UBE2H: variants seen among roughly 807,000 people sequenced by gnomAD.
UBE2H encodes ubiquitin-conjugating enzyme E2 H.
A neutral mutation model predicts 29.0 loss-of-function variants in UBE2H; 3 were observed. The ratio of observed to expected loss-of-function variants is 0.10; its 90% confidence interval spans 0.05 to 0.27. The LOEUF (loss-of-function observed/expected upper bound fraction) is 0.27, where lower values mean the gene tolerates loss of function less well. UBE2H is among the 10% of genes least tolerant of loss of function. The probability of loss-of-function intolerance (pLI) is 1.00; values close to 1 mark genes in which losing one functional copy is unlikely to be tolerated. For missense variants in UBE2H, 68 were observed against 228.2 expected, an observed-to-expected ratio of 0.30 and a Z score of 4.52; for synonymous variants, 69 against 82.9, an observed-to-expected ratio of 0.83 and a Z score of 0.91.
chr7:129,830,835 C>T lies in UBE2H; in HGVS notation c.*4102G>A, dbSNP rs1204834495. 3 of 146,274 alleles carry T rather than the reference C, an allele frequency of 2.1e-5. No individual in the cohort carries two copies. In the East Asian group the frequency reaches 6.0e-4, roughly 29 times the overall value. 9.1% of individuals were successfully genotyped at this position (146,274 alleles called of 1,614,324 possible). A position where few individuals can be genotyped will look rare whatever the true frequency, so the allele number is the denominator to read the frequency against. On this transcript the variant is annotated 3_prime_UTR_variant, in exon 7 of 7. Transcript: ENST00000355621. Reference sequence around the variant, plus strand: ...AGGAGGCATGTGTCCTGTTGACAGACGTGCCTACTAGATCATCACAATGCA... The same window carrying T: ...AGGAGGCATGTGTCCTGTTGACAGATGTGCCTACTAGATCATCACAATGCA...
At chr7:129,844,796 A>G (rs966812022) in intron 5 of UBE2H, among the ~76,000 whole-genome samples, 2 of 152,206 alleles carry the variant, frequency 1.3e-5, no homozygotes, top group South Asian at 4.1e-4. Flanking sequence ...TATAACACTC[A>G]TATCTCAGTT....
At chr7:129,895,910 T>C (rs1443338914) in intron 1 of UBE2H, among the ~76,000 whole-genome samples, 1 of 151,932 alleles carries the variant, frequency 6.6e-6, no homozygotes, top group African/African-American at 2.4e-5. Context: ...TACTTCCCCT[T>C]TTGGGCGGTA....
At chr7:129,880,497 C>T (rs1806232096) in intron 2 of UBE2H, among the ~76,000 whole-genome samples, 1 of 152,142 alleles carries the variant, frequency 6.6e-6, no homozygotes, top group African/African-American at 2.4e-5. Flanking sequence ...CAGAGTGAGA[C>T]TCCATCACTT....
intron 3 of UBE2H, among the ~76,000 whole-genome samples, chr7:129,870,482 T>G (rs1363749581): frequency 6.6e-6 from 1 of 152,048 alleles, no homozygotes; most frequent in African/African-American, 2.4e-5. Flanking sequence ...CCAAGCGTGG[T>G]GGCCCATGCC....
At chr7:129,859,532 G>A (rs941328745) in intron 3 of UBE2H, among the ~76,000 whole-genome samples, 2 of 152,070 alleles carry the variant, frequency 1.3e-5, no homozygotes, top group African/African-American at 4.8e-5. Context: ...TAAAATTGGG[G>A]CAACCAAGCA....
chr7:129,857,750 G>A (rs1337928977), intron 4 of UBE2H, among the ~76,000 whole-genome samples, 187 bp from the exon 5 acceptor site: 1 of 152,212 alleles, frequency 6.6e-6, no homozygotes, highest in Non-Finnish European at 1.5e-5. Context: ...CTTACAGACT[G>A]AAAGGGGAAA....
At chr7:129,937,419 A>C (rs1807553936) in intron 1 of UBE2H, among the ~76,000 whole-genome samples, 1 of 152,232 alleles carries the variant, frequency 6.6e-6, no homozygotes, top group African/African-American at 2.4e-5. Flanking sequence ...AGTTTTTCAG[A>C]TATATCATGG....
At chr7:129,883,789 C>T (rs1387514350) in intron 1 of UBE2H, among the ~76,000 whole-genome samples, 1 of 152,196 alleles carries the variant, frequency 6.6e-6, no homozygotes, top group Admixed American at 6.5e-5. Flanking sequence ...TTGCAGTGAG[C>T]TGAGATTGCA....
At chr7:129,920,019 G>A (rs1440630069) in intron 1 of UBE2H, among the ~76,000 whole-genome samples, 1 of 151,212 alleles carries the variant, frequency 6.6e-6, no homozygotes, top group Non-Finnish European at 1.5e-5. Context: ...AGCTGAAAAT[G>A]AGCACTGTCA....
chr7:129,949,190 C>A, intron 1 of UBE2H: 1 of 331,204 alleles, frequency 3.0e-6, no homozygotes, highest in Admixed American at 3.8e-5. Flanking sequence ...GTAATCTGAG[C>A]TGTTTGTTCC....
At chr7:129,851,632 AC>A (rs965575647) in intron 5 of UBE2H, among the ~76,000 whole-genome samples, 2 of 152,206 alleles carry the variant, frequency 1.3e-5, no homozygotes, top group African/African-American at 4.8e-5. Flanking sequence ...CAGAGCCCCT[AC>A]GAAAGTAGAG....
At chr7:129,867,699 T>TAAAAAAAAAAAAAAAAAAAAAAAAA (rs59742626) in intron 3 of UBE2H, among the ~76,000 whole-genome samples, 5 of 29,640 alleles carry the variant, frequency 1.7e-4, no homozygotes, top group Non-Finnish European at 1.7e-4. Context: ...TAGAGTATAA[T>TAAAAAAAAAAAAAAAAAAAAAAAAA]AAAAAAAAAA....
At chr7:129,925,565 T>C (rs1210831120) in intron 1 of UBE2H, among the ~76,000 whole-genome samples, 2 of 152,178 alleles carry the variant, frequency 1.3e-5, no homozygotes, top group African/African-American at 2.4e-5. Flanking sequence ...CTTCTTACTA[T>C]CAAAACCCCG....
At chr7:129,889,894 A>G (rs1408466719) in intron 1 of UBE2H, among the ~76,000 whole-genome samples, 1 of 152,114 alleles carries the variant, frequency 6.6e-6, no homozygotes, top group Non-Finnish European at 1.5e-5. Flanking sequence ...GAAGGCTGAC[A>G]GGGGAGGATC....
chr7:129,903,352 T>C (rs887628867), intron 1 of UBE2H, among the ~76,000 whole-genome samples: 1 of 152,172 alleles, frequency 6.6e-6, no homozygotes, highest in Admixed American at 6.5e-5. Flanking sequence ...AAATTCTCAA[T>C]AAGACACAGA....
intron 1 of UBE2H, among the ~76,000 whole-genome samples, chr7:129,887,899 ACAAAAG>A (rs1206142580): frequency 4.6e-5 from 7 of 152,124 alleles, no homozygotes; most frequent in East Asian, 1.9e-4. Flanking sequence ...ACAAAACAAA[ACAAAAG>A]CAAAAACAAA....
Position 129,839,236 on chromosome 7 carries a change from C to T in UBE2H, c.398G>A (p.Arg133Gln), listed in dbSNP as rs1805382866. The T allele has an allele frequency of 6.2e-7, 1 of 1,613,694 alleles. No homozygotes were observed. The highest frequency in any genetic ancestry group is 8.5e-7 in the Non-Finnish European group (1 of 1,179,860). Residue 133 changes from arginine to glutamine, a missense_variant, in exon 6 of 7, where the codon CGA becomes CAA. Transcript: ENST00000355621. ...NGDAAAMYLH[R>Q]PEEYKQKIKE... ...AATTTTCTGCTTGTATTCTTCTGGT[C>T]GGTGGAGGTACATGGCTGCAGCGTC...
chr7:129,952,662 A>C lies in UBE2H; in HGVS notation c.-107T>G, dbSNP rs539303082. 4.4e-6 allele frequency: 6 copies of C among 1,350,034 alleles called. No homozygotes were observed. Among genetic ancestry groups the C allele is most frequent in the South Asian group, 2.9e-5 (2 of 69,444 alleles). The allele number at this position is 1,350,034 out of a possible 1,614,324, so 83.6% of individuals were successfully genotyped here. A position where few individuals can be genotyped will look rare whatever the true frequency, so the allele number is the denominator to read the frequency against. On this transcript the variant is annotated 5_prime_UTR_variant, in exon 1 of 7. Coordinates refer to ENST00000355621, the MANE Select transcript of UBE2H (RefSeq NM_003344.4). ...CCGGCTCCTCGGTGGAGGTGGCAAC[A>C]CCCCCGCGGTCCCGGCGGTCCCGTC...
chr7:129,924,769 G>A (rs942886409), intron 1 of UBE2H, among the ~76,000 whole-genome samples: 30 of 151,914 alleles, frequency 2.0e-4, no homozygotes, highest in African/African-American at 6.3e-4. Context: ...AACCCAAGAA[G>A]GAAGTGAAAG....
Sources: allele counts gnomAD v4.1 joint callset (sites outside exome capture counted in the v4.1 genomes callset), GRCh38; gene constraint gnomAD v4.1.1; transcripts MANE v1.5; gene names NCBI Gene and HGNC (gene_info 2026-07-23, HGNC 2026-07-21).